Variants in AASDHPPT observed in about 807,000 individuals in gnomAD.
The protein encoded by AASDHPPT is L-aminoadipate-semialdehyde dehydrogenase-phosphopantetheinyl transferase.
In AASDHPPT, 23 loss-of-function variants were observed where a neutral mutation model predicts 36.4. That is an observed-to-expected ratio of 0.63 (90% CI 0.45 to 0.89). The LOEUF (loss-of-function observed/expected upper bound fraction) is 0.89. Among genes scored for constraint, AASDHPPT ranks in the 40% least tolerant of loss-of-function variants. The pLI is 0.00. For missense variants in AASDHPPT, 377 were observed against 378.2 expected (o/e 1.00, Z 0.03); for synonymous variants, 115 against 128.0 (o/e 0.90, Z 0.68).
chr11:106,077,726 A>G lies in AASDHPPT; in HGVS notation c.16A>G (p.Lys6Glu), dbSNP rs768826598. Residue 6 changes from lysine (K) to glutamate (E), a missense_variant, in exon 1 of 6, where the codon AAA (lysine) becomes GAA (glutamate). Coordinates refer to ENST00000278618, the MANE Select transcript of AASDHPPT (RefSeq NM_015423.3). MVFPA[K>E]RFCLVPSMEG... is the part of the protein sequence containing the mutation. ...CTTTCAGTGTATGGTTTTCCCTGCC[A>G]AACGGTTCTGCTTGGTGCCATCCAT... The G allele has an allele frequency of 3.1e-6, 5 of 1,613,692 alleles. No homozygotes were observed. In the South Asian group the frequency reaches 3.3e-5, roughly 11 times the overall value.
chr11:106,079,385 C>G, intron 1 of AASDHPPT, 82 bp from the exon 2 acceptor site: 1 of 1,234,352 alleles, frequency 8.1e-7, no homozygotes, highest in Non-Finnish European at 1.1e-6. Context: ...TTTTAGAAAC[C>G]AAAAAAAAGT....
At position 106,079,628 on chromosome 11, in the gene AASDHPPT, T is replaced by C; in HGVS notation, c.345T>C (p.Tyr115=). The change falls in exon 2 of 6, where the codon TAT becomes TAC. Residue 115 remains tyrosine, a synonymous_variant. Transcript: ENST00000278618. The part of the protein sequence containing the change: ...FNFNISHQGD[Y]AVLAAEPELQ... ...TTAACATCTCTCATCAAGGAGACTA[T>C]GCAGTGCTTGCTGCTGAACCTGAGC... 4 of 1,614,202 alleles carry C rather than the reference T, an allele frequency of 2.5e-6. No homozygotes were observed. The highest frequency in any genetic ancestry group is 3.4e-6 in the Non-Finnish European group (4 of 1,180,010).
chr11:106,084,076 G>T (rs1371249861), intron 2 of AASDHPPT, among the ~76,000 whole-genome samples: 2 of 151,966 alleles, frequency 1.3e-5, no homozygotes, highest in Non-Finnish European at 2.9e-5. Context: ...ACAAATTCAA[G>T]CAGTCAGTAA....
At chr11:106,084,828 T>G (rs1456782262) in intron 2 of AASDHPPT, among the ~76,000 whole-genome samples, 9 of 151,928 alleles carry the variant, frequency 5.9e-5, no homozygotes, top group Admixed American at 4.6e-4. Context: ...TTGGCCAGGC[T>G]GGTCTCGAAC....
At chr11:106,093,341 C>T (rs1177383477) in intron 4 of AASDHPPT, 1 of 152,130 alleles carries the variant, frequency 6.6e-6, no homozygotes, top group Non-Finnish European at 1.5e-5. Context: ...ATATTCAATA[C>T]ATATAAGAAC....
Position 106,079,496 on chromosome 11 carries a change from T to A in AASDHPPT, c.213T>A (p.Val71=), listed in dbSNP as rs1274217995. 3 of 1,612,776 alleles carry A rather than the reference T, an allele frequency of 1.9e-6. No homozygotes were observed. Among genetic ancestry groups the A allele is most frequent in the Non-Finnish European group, 2.5e-6 (3 of 1,179,174 alleles). ...MAGRLMIRKL[V]AEKLNIPWNH... Reference sequence around the variant, plus strand: ...GTCGTCTGATGATAAGGAAATTAGTTGCAGAGAAATTGAATATCCCTTGGA... The same window carrying A: ...GTCGTCTGATGATAAGGAAATTAGTAGCAGAGAAATTGAATATCCCTTGGA... Residue 71 remains valine, a synonymous_variant, in exon 2 of 6, where the codon GTT becomes GTA. Coordinates refer to ENST00000278618, the MANE Select transcript of AASDHPPT (RefSeq NM_015423.3).
At position 106,096,923 on chromosome 11, in the gene AASDHPPT, C is replaced by G; in HGVS notation, c.*16C>G. The G allele has an allele frequency of 6.4e-7, 1 of 1,571,326 alleles. No individual in the cohort carries two copies. Among genetic ancestry groups the G allele is most frequent in the Non-Finnish European group, 8.6e-7 (1 of 1,162,884 alleles). On this transcript the variant is annotated 3_prime_UTR_variant, in exon 6 of 6. Transcript: ENST00000278618. Reference sequence around the variant, plus strand: ...AAAGTCATGATGATTCCCTGAGTAACAAAGGGAAATGAAAACTGTTTGTGA... The same window carrying G: ...AAAGTCATGATGATTCCCTGAGTAAGAAAGGGAAATGAAAACTGTTTGTGA...
chr11:106,085,380 C>T (rs1190272625), intron 2 of AASDHPPT, among the ~76,000 whole-genome samples: 3 of 152,178 alleles, frequency 2.0e-5, no homozygotes, highest in Non-Finnish European at 2.9e-5. Flanking sequence ...GGATTACAGG[C>T]GTGAGCCACT....
In AASDHPPT at chr11:106,096,799, T is replaced by C. The variant is rs758158155; in HGVS notation, c.822T>C (p.Phe274=). 6 of 1,609,888 alleles carry C rather than the reference T, an allele frequency of 3.7e-6. No homozygotes were observed. The highest frequency in any genetic ancestry group is 4.2e-6 in the Non-Finnish European group (5 of 1,178,376). ...AGAGGCAATTTACTATTCTCAACTT[T>C]AATGATTTAATGTCATCTGCCGTTC... ...PTQRQFTILN[F]NDLMSSAVPM... is the part of the protein sequence containing the mutation. Residue 274 remains phenylalanine (F), a synonymous_variant, in exon 6 of 6, where the codon TTT becomes TTC. Coordinates refer to ENST00000278618, the MANE Select transcript of AASDHPPT (RefSeq NM_015423.3).
In AASDHPPT at chr11:106,098,277, T is replaced by C. The variant is rs2135048402; in HGVS notation, c.*1370T>C. The C allele has an allele frequency of 6.6e-6, 1 of 152,276 alleles. No homozygotes were observed. Among genetic ancestry groups the C allele is most frequent in the South Asian group, 2.1e-4 (1 of 4,830 alleles). 9.4% of individuals were successfully genotyped at this position (152,276 alleles called of 1,614,324 possible). On this transcript the variant is annotated 3_prime_UTR_variant, in exon 6 of 6. Transcript: ENST00000278618. Reference sequence around the variant, plus strand: ...ATTCCTCTTAACGTGAACCGTCTGTTCATTGTTTTTACCTGTTTTCGTTTT... The same window carrying C: ...ATTCCTCTTAACGTGAACCGTCTGTCCATTGTTTTTACCTGTTTTCGTTTT...
intron 2 of AASDHPPT, among the ~76,000 whole-genome samples, chr11:106,087,802 A>G (rs1162822713): frequency 2.0e-5 from 3 of 152,184 alleles, no homozygotes; most frequent in African/African-American, 7.2e-5. Context: ...ATCAAGCTAT[A>G]AGATGGAAGA....
At position 106,079,654 on chromosome 11, in the gene AASDHPPT, T is replaced by C. The variant is rs147661207; in HGVS notation, c.371T>C (p.Leu124Pro). The change falls in exon 2 of 6, where the codon CTG (leucine) becomes CCG (proline). Residue 124 changes from leucine to proline, a missense_variant. By Grantham distance (98) the Leu-to-Pro change is moderately conservative. Transcript: ENST00000278618. Reference protein sequence around the residue: ...DYAVLAAEPELQVGIDIMKTS... With the variant: ...DYAVLAAEPEPQVGIDIMKTS... ...GCAGTGCTTGCTGCTGAACCTGAGC[T>C]GCAAGTTGGAATTGATATAATGAAG... 5 of 1,614,034 alleles carry C rather than the reference T, an allele frequency of 3.1e-6. No homozygotes were observed. The highest frequency in any genetic ancestry group is 3.4e-6 in the Non-Finnish European group (4 of 1,180,018).
intron 2 of AASDHPPT, among the ~76,000 whole-genome samples, chr11:106,089,098 G>A (rs1861229385): frequency 6.6e-6 from 1 of 152,012 alleles, no homozygotes; most frequent in Non-Finnish European, 1.5e-5. Context: ...CATGCGGTTC[G>A]TGGTACCTAG....
At chr11:106,092,098 C>G (rs1861262171) in intron 4 of AASDHPPT, 1 of 152,206 alleles carries the variant, frequency 6.6e-6, no homozygotes, top group Non-Finnish European at 1.5e-5. Context: ...CTCAGCCTCT[C>G]TGGTCTGCAT....
chr11:106,080,501 C>A (rs977561163), intron 2 of AASDHPPT, among the ~76,000 whole-genome samples: 8 of 151,948 alleles, frequency 5.3e-5, no homozygotes, highest in Admixed American at 2.0e-4. Context: ...TTGAATGTAC[C>A]CAGGCAATTT....
At chr11:106,092,914 G>GT (rs764872961) in intron 4 of AASDHPPT, 1 of 152,162 alleles carries the variant, frequency 6.6e-6, no homozygotes, top group Non-Finnish European at 1.5e-5. Context: ...ATGATGTTTG[G>GT]TAGGTTAGGT....
At chr11:106,082,589 C>T (rs1240612511) in intron 2 of AASDHPPT, among the ~76,000 whole-genome samples, 1 of 152,090 alleles carries the variant, frequency 6.6e-6, no homozygotes, top group African/African-American at 2.4e-5. Context: ...ACTAGGAACT[C>T]AGAGAGTCTT....
chr11:106,080,669 A>AT (rs1044053509), intron 2 of AASDHPPT, among the ~76,000 whole-genome samples: 1 of 152,210 alleles, frequency 6.6e-6, no homozygotes, highest in Non-Finnish European at 1.5e-5. Flanking sequence ...ATATACTGCT[A>AT]TTTTTAAAGA....
At chr11:106,089,837 G>A (rs1012933963) in intron 2 of AASDHPPT, among the ~76,000 whole-genome samples, 1 of 151,878 alleles carries the variant, frequency 6.6e-6, no homozygotes, top group Non-Finnish European at 1.5e-5. Flanking sequence ...AGAATGCTAT[G>A]TAATATTTTG....
Sources: gnomAD v4.1 joint callset for allele counts (sites outside exome capture counted in the v4.1 genomes callset) on GRCh38, gnomAD v4.1.1 for gene constraint, MANE v1.5 for transcripts, NCBI Gene and HGNC (gene_info 2026-07-23, HGNC 2026-07-21) for gene names.